ARHGAP39: variants seen among roughly 807,000 people sequenced by gnomAD.
ARHGAP39 encodes rho GTPase-activating protein 39.
Under a neutral mutation model 106.9 loss-of-function variants are expected in ARHGAP39, and 44 were observed. The observed-to-expected ratio is 0.41, with a 90% confidence interval of 0.32 to 0.53. The LOEUF (loss-of-function observed/expected upper bound fraction) is 0.53, where lower values mean the gene tolerates loss of function less well. Among genes scored for constraint, ARHGAP39 ranks in the 20% least tolerant of loss-of-function variants. The pLI, the probability that ARHGAP39 is intolerant of heterozygous loss-of-function variation, is 0.21. For synonymous variants in ARHGAP39, 768 were observed against 693.2 expected (o/e 1.11, Z -1.69); for missense variants, 1,496 against 1,577.3 (o/e 0.95, Z 0.87).
At chr8:144,686,613 C>T (rs1016747435), upstream of ARHGAP39, among the ~76,000 whole-genome samples, 2 of 152,182 alleles carry the variant, frequency 1.3e-5, no homozygotes, top group Non-Finnish European at 2.9e-5. Flanking sequence ...GCTCCACCTC[C>T]TGCCCTGCAG....
rs184538398 is a variant in ARHGAP39 at position 144,671,931 on chromosome 8, C to A, written c.-82+13755G>T. Among the ~76,000 whole-genome samples the A allele has an allele frequency of 2.0e-5, 3 of 152,330 alleles. No individual in the cohort carries two copies. Among genetic ancestry groups the A allele is most frequent in the Admixed American group, 2.0e-4 (3 of 15,308 alleles). On this transcript the variant is annotated intron_variant, in intron 1 of 11. Transcript: ENST00000377307. This position sits in a 1 kb window ranked among gnomAD's most constrained non-coding sequence, Gnocchi z 4.5. ...GCAAACACAAGACCAGGTGTGAGAG[C>A]CCTGCCAGAGCAATGGAGACAGGCT...
At chr8:144,643,908 A>T (rs898406875) in intron 1 of ARHGAP39, among the ~76,000 whole-genome samples, 2 of 152,214 alleles carry the variant, frequency 1.3e-5, no homozygotes, top group African/African-American at 2.4e-5. Flanking sequence ...AAAAAAAGAA[A>T]GGCAATGTTT....
chr8:144,653,935 G>A (rs1020851289), intron 1 of ARHGAP39, among the ~76,000 whole-genome samples: 8 of 152,214 alleles, frequency 5.3e-5, no homozygotes, highest in South Asian at 4.1e-4. Context: ...CTCCCAGCCC[G>A]GCTCTGTGCA....
chr8:144,671,339 G>A lies in ARHGAP39; in HGVS notation c.-82+14347C>T, dbSNP rs1450341558. On this transcript the variant is annotated intron_variant, in intron 1 of 11. Coordinates refer to ENST00000377307, the MANE Select transcript of ARHGAP39 (RefSeq NM_025251.3). This position sits in a 1 kb window ranked among gnomAD's most constrained non-coding sequence, Gnocchi z 4.5. Reference sequence around the variant, plus strand: ...CTTCACGTAAGTTCTGATGTTTTCCGCAAAAGAAATGAACGAATAAAGCTG... The same window carrying A: ...CTTCACGTAAGTTCTGATGTTTTCCACAAAAGAAATGAACGAATAAAGCTG... Among the ~76,000 whole-genome samples the A allele has an allele frequency of 3.3e-5, 5 of 152,184 alleles. No individual in the cohort carries two copies. The highest frequency in any genetic ancestry group is 6.5e-5 in the Admixed American group (1 of 15,282).
rs1333006192 is a variant in ARHGAP39, at chr8:144,604,612, G to C, written c.80+923C>G. On this transcript the variant is annotated intron_variant, in intron 2 of 11. Transcript: ENST00000377307. This position sits in a 1 kb window ranked among gnomAD's most constrained non-coding sequence, Gnocchi z 4.1. ...AGGCTGGGATGATCTGTTTTAAATAGGGTGACTATTACCTTAAAAATATCA... is the reference window on the plus strand; with the variant it reads ...AGGCTGGGATGATCTGTTTTAAATACGGTGACTATTACCTTAAAAATATCA... 6.6e-6 allele frequency among the ~76,000 whole-genome samples: 1 copy of C among 152,128 alleles called. No individual in the cohort carries two copies. The highest frequency in any genetic ancestry group is 1.5e-5 in the Non-Finnish European group (1 of 68,016).
At chr8:144,595,112 G>A (rs1055110774) in intron 2 of ARHGAP39, among the ~76,000 whole-genome samples, 4 of 152,170 alleles carry the variant, frequency 2.6e-5, no homozygotes, top group South Asian at 2.1e-4. Context: ...CAAGAGAAAC[G>A]AAAACGTCTT....
chr8:144,685,470 C>T (rs1822562459), intron 1 of ARHGAP39, among the ~76,000 whole-genome samples: 1 of 149,464 alleles, frequency 6.7e-6, no homozygotes, highest in South Asian at 2.1e-4. Flanking sequence ...GCCTCCGCGC[C>T]CCCCGCCCGG....
At chr8:144,606,556 C>T (rs1180065614) in intron 1 of ARHGAP39, among the ~76,000 whole-genome samples, 1 of 152,082 alleles carries the variant, frequency 6.6e-6, no homozygotes, top group Non-Finnish European at 1.5e-5. Context: ...CTGTTGTTAT[C>T]CGAAGGCTTC....
intron 2 of ARHGAP39, among the ~76,000 whole-genome samples, chr8:144,587,967 A>C (rs1374534073): frequency 6.6e-6 from 1 of 152,238 alleles, no homozygotes; most frequent in Non-Finnish European, 1.5e-5. Flanking sequence ...TACACAGATC[A>C]GCCTCCAGTC....
At chr8:144,624,564 CCGG>C (rs1392367943) in intron 1 of ARHGAP39, among the ~76,000 whole-genome samples, 41 of 151,398 alleles carry the variant, frequency 2.7e-4, no homozygotes, top group Middle Eastern at 3.5e-3. Context: ...TCCCGGCGGC[CCGG>C]TTCACGGAGC....
intron 1 of ARHGAP39, among the ~76,000 whole-genome samples, chr8:144,643,077 C>G (rs1210005153): frequency 6.6e-6 from 1 of 152,148 alleles, no homozygotes; most frequent in African/African-American, 2.4e-5. Context: ...CCTCAGGAAG[C>G]TTCTGCTGTC....
In ARHGAP39 at chr8:144,545,436, C is replaced by A; in HGVS notation, c.2334G>T (p.Gln778His). Residue 778 changes from glutamine (Q) to histidine (H), a missense_variant, in exon 6 of 12, where the codon CAG becomes CAT. By Grantham distance (24) the Gln-to-His change is conservative. Around this residue, in one of 4 missense-constraint regions of ARHGAP39, gnomAD observed 470 missense variants for 605.1 expected, o/e 0.78. Transcript: ENST00000377307. ...GGATGTAGAGCTCGTCCCGCAGGCC[C>A]TGCACGCTCCAGCCCTTGGTGGCCA... ...LEVATKGWSV[Q>H]GLRDELYIQL... 1 of 1,591,868 alleles carries A rather than the reference C, an allele frequency of 6.3e-7. No homozygotes were observed. The highest frequency in any genetic ancestry group is 1.1e-5 in the South Asian group (1 of 90,244).
intron 2 of ARHGAP39, among the ~76,000 whole-genome samples, chr8:144,601,931 G>A (rs1819989087): frequency 6.9e-6 from 1 of 144,570 alleles, no homozygotes; most frequent in Non-Finnish European, 1.5e-5. Flanking sequence ...GTGTGTGCAT[G>A]GAGGCGTGCG....
rs1816607329 is a variant in ARHGAP39 at position 144,530,021 on chromosome 8, G to A, written c.*401C>T. On this transcript the variant is annotated 3_prime_UTR_variant, in exon 12 of 12. Coordinates refer to ENST00000377307, the MANE Select transcript of ARHGAP39 (RefSeq NM_025251.3). ...GCTGCAGGCCAGGACGAGGACAGGA[G>A]AAAGGGAAGGAGAGACCGGGGCGGC... The A allele has an allele frequency of 4.9e-6, 1 of 203,788 alleles. No individual in the cohort carries two copies. The highest frequency in any genetic ancestry group is 9.9e-6 in the Non-Finnish European group (1 of 101,204). The allele number at this position is 203,788 out of a possible 1,614,324, so 12.6% of individuals were successfully genotyped here. A position where few individuals can be genotyped will look rare whatever the true frequency, so the allele number is the denominator to read the frequency against.
At chr8:144,601,567 C>A (rs562012667) in intron 2 of ARHGAP39, among the ~76,000 whole-genome samples, 1 of 118,226 alleles carries the variant, frequency 8.5e-6, no homozygotes, top group East Asian at 2.8e-4. Flanking sequence ...AGCTCGTGTA[C>A]CTGTGTGCAT....
At chr8:144,574,979 C>A (rs1295237163) in intron 3 of ARHGAP39, among the ~76,000 whole-genome samples, 7 of 152,210 alleles carry the variant, frequency 4.6e-5, no homozygotes, top group Non-Finnish European at 1.0e-4. Flanking sequence ...CACACCCAGG[C>A]TATATGGTGT....
upstream of ARHGAP39, among the ~76,000 whole-genome samples, chr8:144,686,702 G>A (rs1201982672): frequency 6.6e-6 from 1 of 152,172 alleles, no homozygotes; most frequent in Non-Finnish European, 1.5e-5. Context: ...TCCCTGTTGG[G>A]CCGTCGTCAC....
intron 2 of ARHGAP39, among the ~76,000 whole-genome samples, chr8:144,581,794 G>C (rs934743393): frequency 6.6e-6 from 1 of 152,190 alleles, no homozygotes; most frequent in African/African-American, 2.4e-5. Context: ...GGGCCCAGCT[G>C]GCTCTCAGAC....
intron 10 of ARHGAP39, among the ~76,000 whole-genome samples, chr8:144,531,289 G>A (rs75822084): frequency 2.0e-3 from 25 of 12,584 alleles, no homozygotes; most frequent in Middle Eastern, 0.042. Flanking sequence ...TAGCAGGCAC[G>A]GCAGAAGGGC....
Sources: gnomAD v4.1 joint callset for allele counts (sites outside exome capture counted in the v4.1 genomes callset) on GRCh38, gnomAD v4.1.1 for gene constraint, gnomAD v4.1.1 regional missense constraint, Gnocchi (gnomAD v3.1) non-coding constraint, MANE v1.5 for transcripts, NCBI Gene and HGNC (gene_info 2026-07-23, HGNC 2026-07-21) for gene names.